The following GOLM1 variants were observed in gnomAD, a reference collection of about 807,000 sequenced individuals.
The protein encoded by GOLM1 is epididymis luminal protein 46.
In GOLM1, 31 loss-of-function variants were observed where a neutral mutation model predicts 50.5. The observed-to-expected ratio is 0.61, with a 90% CI of 0.46 to 0.83. The LOEUF (loss-of-function observed/expected upper bound fraction) is 0.83. GOLM1 is among the 40% of genes least tolerant of loss of function. The probability of loss-of-function intolerance (pLI) is 0.00; values close to 1 mark genes in which losing one functional copy is unlikely to be tolerated. For missense variants in GOLM1, 491 were observed against 501.3 expected (o/e 0.98, Z 0.20); for synonymous variants, 178 against 192.8 (o/e 0.92, Z 0.64).
At chr9:86,039,462 A>T (rs1638553250) in intron 6 of GOLM1, among the ~76,000 whole-genome samples, 1 of 152,232 alleles carries the variant, frequency 6.6e-6, no homozygotes, top group African/African-American at 2.4e-5. Flanking sequence ...TAACCAAGAG[A>T]AATGAAAACA....
At chr9:86,090,236 TG>T (rs2118896300) in intron 1 of GOLM1, among the ~76,000 whole-genome samples, 1 of 152,312 alleles carries the variant, frequency 6.6e-6, no homozygotes, top group South Asian at 2.1e-4. Context: ...GGGACCCACT[TG>T]AAGAGGCAGT....
intron 3 of GOLM1, among the ~76,000 whole-genome samples, chr9:86,076,292 A>G (rs1031054655): frequency 1.3e-4 from 19 of 151,150 alleles, no homozygotes; most frequent in African/African-American, 4.1e-4. Flanking sequence ...GTGGTGGCAC[A>G]TGCCTGTAGT....
At chr9:86,093,396 A>AAAC (rs1056142691) in intron 1 of GOLM1, among the ~76,000 whole-genome samples, 4 of 148,078 alleles carry the variant, frequency 2.7e-5, no homozygotes, top group African/African-American at 1.0e-4. Context: ...AAAAAAAAAG[A>AAAC]AACAACAACA....
chr9:86,034,719 A>G (rs1448401140), intron 8 of GOLM1, among the ~76,000 whole-genome samples: 2 of 152,170 alleles, frequency 1.3e-5, no homozygotes, highest in African/African-American at 4.8e-5. Context: ...GTATTCTCCA[A>G]CTTCTGTGAC....
At chr9:86,053,536 A>AC (rs1158875213) in intron 3 of GOLM1, among the ~76,000 whole-genome samples, 1 of 104,692 alleles carries the variant, frequency 9.6e-6, no homozygotes, top group Non-Finnish European at 2.1e-5. Flanking sequence ...ACTCCACACC[A>AC]AACCACACCA....
chr9:86,060,999 A>G (rs186342353), intron 3 of GOLM1, among the ~76,000 whole-genome samples: 529 of 148,944 alleles, frequency 3.6e-3, no homozygotes, highest in Middle Eastern at 7.0e-3. Context: ...ATGTTTTGGT[A>G]TGATCATGGT....
intron 5 of GOLM1, among the ~76,000 whole-genome samples, chr9:86,043,265 A>G (rs1421605362): frequency 6.6e-6 from 1 of 152,218 alleles, no homozygotes; most frequent in Non-Finnish European, 1.5e-5. Context: ...GTGATTGCTT[A>G]GTGATGCCTG....
At chr9:86,063,723 G>C (rs1258774766) in intron 3 of GOLM1, among the ~76,000 whole-genome samples, 2 of 152,226 alleles carry the variant, frequency 1.3e-5, no homozygotes, top group Non-Finnish European at 2.9e-5. Flanking sequence ...TGTGTGAAGA[G>C]AGAACAAGAC....
At chr9:86,031,747 C>T (rs1177632710) in intron 9 of GOLM1, among the ~76,000 whole-genome samples, 1 of 151,766 alleles carries the variant, frequency 6.6e-6, no homozygotes, top group African/African-American at 2.4e-5. Flanking sequence ...AGGTGTTAGC[C>T]ACCACGCCCA....
chr9:86,087,557 G>T (rs1382751071), intron 1 of GOLM1, among the ~76,000 whole-genome samples: 2 of 152,180 alleles, frequency 1.3e-5, no homozygotes, highest in South Asian at 2.1e-4. Context: ...TGCCCATTCA[G>T]TATGATACTG....
At chr9:86,063,196 G>C (rs1834210770) in intron 3 of GOLM1, among the ~76,000 whole-genome samples, 1 of 152,206 alleles carries the variant, frequency 6.6e-6, no homozygotes, top group African/African-American at 2.4e-5. Context: ...AAGAATGCCG[G>C]ATTACAACAC....
chr9:86,036,299 A>C (rs767894968), intron 7 of GOLM1, 49 bp downstream of exon 7: 1 of 1,598,156 alleles, frequency 6.3e-7, no homozygotes, highest in Non-Finnish European at 8.6e-7. Flanking sequence ...GCTTCCTCTG[A>C]TGGGGCTCTG....
chr9:86,042,150 A>G (rs1390490468), intron 5 of GOLM1, among the ~76,000 whole-genome samples: 1 of 152,168 alleles, frequency 6.6e-6, no homozygotes, highest in East Asian at 1.9e-4. Flanking sequence ...ACTGGAGGAC[A>G]CTCGGTTGAA....
intron 6 of GOLM1, among the ~76,000 whole-genome samples, chr9:86,039,769 A>G (rs1482162932): frequency 1.3e-5 from 2 of 152,096 alleles, no homozygotes; most frequent in African/African-American, 2.4e-5. Flanking sequence ...GCCGTTCAAG[A>G]CCAGCCTGGC....
chr9:86,048,160 G>A (rs775682707), intron 4 of GOLM1, among the ~76,000 whole-genome samples: 3 of 151,870 alleles, frequency 2.0e-5, no homozygotes, highest in South Asian at 2.1e-4. Context: ...TGCTCAGAAT[G>A]ATGGTTTCCA....
intron 1 of GOLM1, among the ~76,000 whole-genome samples, chr9:86,084,494 G>A (rs6559902): frequency 0.24 from 36,677 of 151,944 alleles, 7,524 homozygotes; most frequent in African/African-American, 0.54. Context: ...AAGTCAACGC[G>A]TCAGACATTC....
intron 3 of GOLM1, among the ~76,000 whole-genome samples, chr9:86,056,895 T>C (rs1487893730): frequency 6.6e-6 from 1 of 151,882 alleles, no homozygotes; most frequent in African/African-American, 2.4e-5. Context: ...CCAGCTCCTG[T>C]CCTCAAGTAA....
rs868738633 is a variant in GOLM1 at position 86,056,504 on chromosome 9, A to T, written c.310-3913T>A. 2.4e-3 allele frequency among the ~76,000 whole-genome samples: 330 copies of T among 138,838 alleles called. 1 individual carries two copies. The highest frequency in any genetic ancestry group is 0.023 in the Middle Eastern group (6 of 256). 91.1% of individuals were successfully genotyped at this position (138,838 alleles called of 152,430 possible). A position where few individuals can be genotyped will look rare whatever the true frequency, so the allele number is the denominator to read the frequency against. ...TGATTTTTATTTATTTTTTATTTAAATTTTTTTTTTTTTTTTTTTTGAGAC... is the reference window on the plus strand; with the variant it reads ...TGATTTTTATTTATTTTTTATTTAATTTTTTTTTTTTTTTTTTTTTGAGAC... On this transcript the variant is annotated intron_variant, in intron 3 of 9. Coordinates refer to ENST00000388712, the MANE Select transcript of GOLM1 (RefSeq NM_016548.4).
In GOLM1 at chr9:86,078,069, G is replaced by A. The variant is rs150034870; in HGVS notation, c.130-478C>T. 2.0e-3 allele frequency: 326 copies of A among 159,262 alleles called. 1 individual carries two copies. Among genetic ancestry groups the A allele is most frequent in the African/African-American group, 7.3e-3 (306 of 41,718 alleles). The allele number at this position is 159,262 out of a possible 1,614,324, so 9.9% of individuals were successfully genotyped here. ...AGACACAGGGAGTACAAGCCCAGGAGGGTAAGTGTGAGAACAGGACAGAGC... is the reference window on the plus strand; with the variant it reads ...AGACACAGGGAGTACAAGCCCAGGAAGGTAAGTGTGAGAACAGGACAGAGC... On this transcript the variant is annotated intron_variant, in intron 2 of 9. Coordinates refer to ENST00000388712, the MANE Select transcript of GOLM1 (RefSeq NM_016548.4).
Sources: gnomAD v4.1 joint callset for allele counts (sites outside exome capture counted in the v4.1 genomes callset) on GRCh38, gnomAD v4.1.1 for gene constraint, MANE v1.5 for transcripts, NCBI Gene and HGNC (gene_info 2026-07-23, HGNC 2026-07-21) for gene names.